Variants in EPHA3 observed in about 807,000 individuals in gnomAD.
The protein encoded by EPHA3 is EPH receptor A3.
EPHA3 carries 42 observed loss-of-function variants against 107.1 expected under a neutral mutation model. The observed-to-expected ratio is 0.39, with a 90% CI of 0.31 to 0.51. The LOEUF is 0.51. Among genes scored for constraint, EPHA3 ranks in the 20% least tolerant of loss-of-function variants. The pLI is 0.78. For synonymous variants in EPHA3, 461 were observed against 424.8 expected (o/e 1.09, Z -1.05); for missense variants, 1,183 against 1,211.2 (o/e 0.98, Z 0.35).
At chr3:89,256,509 A>G (rs1705289274) in intron 3 of EPHA3, among the ~76,000 whole-genome samples, 1 of 152,092 alleles carries the variant, frequency 6.6e-6, no homozygotes, top group South Asian at 2.1e-4. Context: ...GGTTGCATTG[A>G]GCCGAGATCG....
intron 2 of EPHA3, among the ~76,000 whole-genome samples, chr3:89,205,337 A>T (rs1187131911): frequency 6.6e-6 from 1 of 152,230 alleles, no homozygotes; most frequent in Non-Finnish European, 1.5e-5. Context: ...GTTAATTATT[A>T]AAATATATGT....
chr3:89,234,890 C>T (rs1220042868), intron 3 of EPHA3, among the ~76,000 whole-genome samples: 2 of 142,696 alleles, frequency 1.4e-5, no homozygotes, highest in East Asian at 4.3e-4. Flanking sequence ...TGCCTTCCTC[C>T]CTTCTTTCCT....
At position 89,296,390 on chromosome 3, in the gene EPHA3, C is replaced by T. The variant is rs535468432; in HGVS notation, c.815-44526C>T. Among the ~76,000 whole-genome samples, 153 of 152,174 alleles carry T rather than the reference C, an allele frequency of 1.0e-3. 2 individuals are homozygous for T. The highest frequency in any genetic ancestry group is 1.8e-3 in the Non-Finnish European group (122 of 68,036). On this transcript the variant is annotated intron_variant, in intron 3 of 16. Transcript: ENST00000336596. ...CTTCAGAATGAATGTTATGTTAACA[C>T]GCATGGAAAATCTTTGTATGTACAT...
intron 2 of EPHA3, among the ~76,000 whole-genome samples, chr3:89,208,095 T>C (rs1216063077): frequency 6.6e-6 from 1 of 151,992 alleles, no homozygotes; most frequent in Non-Finnish European, 1.5e-5. Flanking sequence ...ATATTCCAGA[T>C]GGGCACAGTG....
At chr3:89,174,879 G>A (rs1705286218) in intron 2 of EPHA3, among the ~76,000 whole-genome samples, 1 of 151,716 alleles carries the variant, frequency 6.6e-6, no homozygotes, top group South Asian at 2.1e-4. Context: ...AATCAAATTT[G>A]GTAAATCTGA....
chr3:89,203,478 T>C (rs1706023641), intron 2 of EPHA3, among the ~76,000 whole-genome samples: 2 of 150,936 alleles, frequency 1.3e-5, no homozygotes, highest in Non-Finnish European at 3.0e-5. Flanking sequence ...GGGAGAAAAA[T>C]AACTTAAAGC....
intron 3 of EPHA3, among the ~76,000 whole-genome samples, chr3:89,317,644 T>G (rs1453714409): frequency 1.3e-5 from 2 of 151,780 alleles, no homozygotes; most frequent in Non-Finnish European, 2.9e-5. Flanking sequence ...ATCAAAGAAA[T>G]GTTAAACCTT....
chr3:89,265,626 G>T (rs980303238), intron 3 of EPHA3, among the ~76,000 whole-genome samples: 3 of 151,940 alleles, frequency 2.0e-5, no homozygotes, highest in Non-Finnish European at 2.9e-5. Context: ...CTGATTTCTT[G>T]TTATTTCTGT....
chr3:89,469,810 T>C (rs1576394837), intron 15 of EPHA3, among the ~76,000 whole-genome samples: 1 of 152,200 alleles, frequency 6.6e-6, no homozygotes, highest in African/African-American at 2.4e-5. Context: ...GAGACCTAAA[T>C]TTATGTCTAA....
intron 5 of EPHA3, among the ~76,000 whole-genome samples, chr3:89,386,907 G>A (rs1489829618): frequency 6.6e-6 from 1 of 152,190 alleles, no homozygotes; most frequent in Non-Finnish European, 1.5e-5. Flanking sequence ...ACTTGCATGG[G>A]CCTGGAGTCC....
chr3:89,272,958 T>A (rs1173341989), intron 3 of EPHA3, among the ~76,000 whole-genome samples: 1 of 151,920 alleles, frequency 6.6e-6, no homozygotes, highest in Non-Finnish European at 1.5e-5. Context: ...TCTGACTACA[T>A]TATTTATTAC....
At chr3:89,421,231 G>A (rs1465283747) in intron 11 of EPHA3, among the ~76,000 whole-genome samples, 1 of 150,390 alleles carries the variant, frequency 6.6e-6, no homozygotes, top group African/African-American at 2.4e-5. Context: ...TCTCAAAGAG[G>A]GCAAAAACCC....
chr3:89,262,720 C>T (rs1224733925), intron 3 of EPHA3, among the ~76,000 whole-genome samples: 1 of 152,212 alleles, frequency 6.6e-6, no homozygotes, highest in African/African-American at 2.4e-5. Flanking sequence ...GTGAACACAG[C>T]GGTAACTGGA....
At chr3:89,430,165 A>G (rs1467701253) in intron 12 of EPHA3, among the ~76,000 whole-genome samples, 1 of 152,198 alleles carries the variant, frequency 6.6e-6, no homozygotes, top group Non-Finnish European at 1.5e-5. Context: ...GTTCAAGACA[A>G]TACCAATTAC....
intron 15 of EPHA3, among the ~76,000 whole-genome samples, chr3:89,468,461 T>C (rs1286776813): frequency 6.6e-6 from 1 of 152,176 alleles, no homozygotes; most frequent in Non-Finnish European, 1.5e-5. Flanking sequence ...ATTTTGCTAT[T>C]AGGCACACTT....
chr3:89,239,717 A>C (rs1704850757), intron 3 of EPHA3, among the ~76,000 whole-genome samples: 1 of 152,172 alleles, frequency 6.6e-6, no homozygotes, highest in African/African-American at 2.4e-5. Context: ...ATTTCTCAAA[A>C]AAATATTTTT....
At chr3:89,325,026 A>T (rs1027048616) in intron 3 of EPHA3, among the ~76,000 whole-genome samples, 2 of 152,146 alleles carry the variant, frequency 1.3e-5, no homozygotes, top group Non-Finnish European at 1.5e-5. Flanking sequence ...TGCAAAGGAC[A>T]TGATTTCCTT....
chr3:89,248,856 A>G (rs1705098214), intron 3 of EPHA3, among the ~76,000 whole-genome samples: 1 of 152,194 alleles, frequency 6.6e-6, no homozygotes, highest in Non-Finnish European at 1.5e-5. Flanking sequence ...AAAATGAAAA[A>G]CCATGTGCAC....
intron 9 of EPHA3, among the ~76,000 whole-genome samples, chr3:89,411,820 C>T (rs1709158690): frequency 6.6e-6 from 1 of 151,872 alleles, no homozygotes; most frequent in Non-Finnish European, 1.5e-5. Context: ...ACAAAACTAA[C>T]TCAAAGAAAC....
Sources: allele counts gnomAD v4.1 joint callset (sites outside exome capture counted in the v4.1 genomes callset), GRCh38; gene constraint gnomAD v4.1.1; transcripts MANE v1.5; gene names NCBI Gene and HGNC (gene_info 2026-07-23, HGNC 2026-07-21).